ENTREP2: variants seen among roughly 807,000 people sequenced by gnomAD.
ENTREP2 encodes the protein protein ENTREP2.
chr15:29,304,558 T>A, the ENTREP2 span, among the ~76,000 whole-genome samples: 1 of 152,192 alleles, frequency 6.6e-6, no homozygotes, highest in Non-Finnish European at 1.5e-5. Context: ...TGTTCCCTCC[T>A]TCAAGACCTC....
the ENTREP2 span, among the ~76,000 whole-genome samples, chr15:29,442,270 A>G: frequency 3.0e-4 from 45 of 152,040 alleles, no homozygotes; most frequent in Admixed American, 1.6e-3. Flanking sequence ...TTTCCAAACC[A>G]ACTATTCGAA....
At chr15:29,258,349 T>G in the ENTREP2 span, among the ~76,000 whole-genome samples, 1 of 151,966 alleles carries the variant, frequency 6.6e-6, no homozygotes, top group South Asian at 2.1e-4. Context: ...GAAATTGAGG[T>G]CAAAAAATAG....
the ENTREP2 span, among the ~76,000 whole-genome samples, chr15:29,165,931 T>C: frequency 4.4e-4 from 67 of 152,312 alleles, no homozygotes; most frequent in African/African-American, 1.6e-3. Flanking sequence ...AACAAAATAT[T>C]AGCTAACTGA....
At chr15:29,622,936 A>G in the ENTREP2 span, among the ~76,000 whole-genome samples, 29 of 152,280 alleles carry the variant, frequency 1.9e-4, no homozygotes, top group Non-Finnish European at 3.8e-4. Context: ...TGAAGCTGAG[A>G]ACTTCCTTTG....
chr15:29,533,342 A>C, the ENTREP2 span, among the ~76,000 whole-genome samples: 211 of 152,294 alleles, frequency 1.4e-3, 1 homozygote, highest in Middle Eastern at 3.4e-3. Flanking sequence ...GTTGGAGTAG[A>C]CTTATGACCA....
At chr15:29,569,230 C>T in the ENTREP2 span, among the ~76,000 whole-genome samples, 1 of 152,184 alleles carries the variant, frequency 6.6e-6, no homozygotes, top group African/African-American at 2.4e-5. Context: ...TTCAGCTCTC[C>T]AAGGCTCACC....
the ENTREP2 span, among the ~76,000 whole-genome samples, chr15:29,135,641 C>T: frequency 2.0e-5 from 3 of 152,186 alleles, no homozygotes; most frequent in Non-Finnish European, 4.4e-5. The surrounding 1 kb of genome is among the most constrained non-coding windows in gnomAD (Gnocchi z 7.4). Flanking sequence ...CGTCCCATAA[C>T]CCTGGTACTG....
At chr15:29,486,534 CAT>C in the ENTREP2 span, among the ~76,000 whole-genome samples, 3 of 152,116 alleles carry the variant, frequency 2.0e-5, no homozygotes, top group East Asian at 1.9e-4. Context: ...CCACTAAAGA[CAT>C]AAAAATTAGC....
the ENTREP2 span, among the ~76,000 whole-genome samples, chr15:29,255,172 G>C: frequency 6.6e-6 from 1 of 152,114 alleles, no homozygotes. Context: ...GTAAGTCCAG[G>C]TTCCATTCAA....
At chr15:29,354,560 G>C in the ENTREP2 span, among the ~76,000 whole-genome samples, 1 of 152,142 alleles carries the variant, frequency 6.6e-6, no homozygotes, top group Non-Finnish European at 1.5e-5. Context: ...ATCGGGGGTG[G>C]GAGAGGGCCT....
At chr15:29,414,388 C>G in the ENTREP2 span, among the ~76,000 whole-genome samples, 1 of 152,148 alleles carries the variant, frequency 6.6e-6, no homozygotes, top group South Asian at 2.1e-4. Context: ...ACAACCTGCT[C>G]CTGAATGACT....
the ENTREP2 span, among the ~76,000 whole-genome samples, chr15:29,568,809 A>G: frequency 6.6e-6 from 1 of 151,734 alleles, no homozygotes; most frequent in African/African-American, 2.4e-5. Flanking sequence ...CATTTATTTA[A>G]CTCTTTAAAC....
At chr15:29,654,234 G>T in the ENTREP2 span, among the ~76,000 whole-genome samples, 1 of 151,902 alleles carries the variant, frequency 6.6e-6, no homozygotes, top group Non-Finnish European at 1.5e-5. Flanking sequence ...TGTGACTAAC[G>T]GTAAAATTGT....
chr15:29,504,748 G>A, the ENTREP2 span, among the ~76,000 whole-genome samples: 10 of 152,222 alleles, frequency 6.6e-5, no homozygotes, highest in African/African-American at 2.4e-4. Context: ...AAGAAGTGGG[G>A]AAAGCAGTCA....
At chr15:29,625,536 C>T in the ENTREP2 span, among the ~76,000 whole-genome samples, 2 of 152,014 alleles carry the variant, frequency 1.3e-5, no homozygotes, top group African/African-American at 4.8e-5. Flanking sequence ...GCTAAGACTA[C>T]ATGTACTTGC....
chr15:29,452,242 A>C, the ENTREP2 span, among the ~76,000 whole-genome samples: 1 of 152,152 alleles, frequency 6.6e-6, no homozygotes, highest in Non-Finnish European at 1.5e-5. Context: ...CCTGGTGCTG[A>C]CAGCCCCTCA....
chr15:29,300,604 T>C, the ENTREP2 span, among the ~76,000 whole-genome samples: 3 of 152,062 alleles, frequency 2.0e-5, no homozygotes, highest in Non-Finnish European at 2.9e-5. Context: ...GAACATAGTC[T>C]TTTTTTTCTT....
At chr15:29,303,780 A>G in the ENTREP2 span, among the ~76,000 whole-genome samples, 10 of 152,176 alleles carry the variant, frequency 6.6e-5, no homozygotes, top group African/African-American at 2.4e-4. Flanking sequence ...TTTGCTTAGG[A>G]TAATGGCCTC....
the ENTREP2 span, among the ~76,000 whole-genome samples, chr15:29,516,661 TA>T: frequency 6.6e-6 from 1 of 152,120 alleles, no homozygotes; most frequent in Non-Finnish European, 1.5e-5. Flanking sequence ...TATTTCACTT[TA>T]GAAGATGTGA....
Sources: gnomAD v4.1 joint callset for allele counts (sites outside exome capture counted in the v4.1 genomes callset) on GRCh38, gnomAD v4.1.1 for gene constraint, Gnocchi (gnomAD v3.1) non-coding constraint, MANE v1.5 for transcripts, NCBI Gene and HGNC (gene_info 2026-07-23, HGNC 2026-07-21) for gene names.